The following RFX2 variants were observed in gnomAD, a reference collection of about 807,000 sequenced individuals.
RFX2 encodes DNA-binding protein RFX2.
Under a neutral mutation model 87.8 loss-of-function variants are expected in RFX2, and 20 were observed. The ratio of observed to expected loss-of-function variants is 0.23; its 90% CI spans 0.16 to 0.33. The LOEUF is 0.33. RFX2 is among the 10% of genes least tolerant of loss of function. The probability of loss-of-function intolerance (pLI) is 1.00; values close to 1 mark genes in which losing one functional copy is unlikely to be tolerated. For missense variants in RFX2, 767 were observed against 1,012.3 expected (o/e 0.76, Z 3.29); for synonymous variants, 397 against 431.3 (o/e 0.92, Z 0.98).
intron 1 of RFX2, among the ~76,000 whole-genome samples, chr19:6,085,137 G>A (rs2087839297): frequency 6.6e-6 from 1 of 152,098 alleles, no homozygotes; most frequent in African/African-American, 2.4e-5. Context: ...TTTAGCTATT[G>A]TAAATCATGC....
intron 5 of RFX2, among the ~76,000 whole-genome samples, chr19:6,033,683 C>T (rs1226861611): frequency 6.7e-6 from 1 of 148,814 alleles, no homozygotes; most frequent in Admixed American, 6.7e-5. Flanking sequence ...ACACACTTGC[C>T]AGAACCCATG....
At chr19:6,108,964 C>T (rs1459486579) in intron 1 of RFX2, among the ~76,000 whole-genome samples, 1 of 151,778 alleles carries the variant, frequency 6.6e-6, no homozygotes, top group Non-Finnish European at 1.5e-5. Flanking sequence ...AGCGCGGAGG[C>T]TTCTCGGAGG....
rs923509986 is a variant in RFX2 at position 5,999,397 on chromosome 19, G to A, written c.1860-2184C>T. Among the ~76,000 whole-genome samples the A allele has an allele frequency of 3.9e-5, 6 of 152,118 alleles. No homozygotes were observed. Among genetic ancestry groups the A allele is most frequent in the Middle Eastern group, 3.4e-3 (1 of 294 alleles). Reference sequence around the variant, plus strand: ...TGGCTGGCAGGCACCTCAGTCCTGCGCTCACTCTGCTCTTCTCAATTCTTC... The same window carrying A: ...TGGCTGGCAGGCACCTCAGTCCTGCACTCACTCTGCTCTTCTCAATTCTTC... On this transcript the variant is annotated intron_variant, in intron 15 of 17. Transcript: ENST00000303657. This position sits in a 1 kb window ranked among gnomAD's most constrained non-coding sequence, Gnocchi z 4.1.
intron 3 of RFX2, 115 bp from the exon 4 acceptor site, chr19:6,042,238 A>G: frequency 1.1e-6 from 1 of 905,030 alleles, no homozygotes; most frequent in East Asian, 2.5e-5. Flanking sequence ...ACCAAATGAC[A>G]ATGTTCCCGC....
intron 1 of RFX2, among the ~76,000 whole-genome samples, chr19:6,055,741 G>C (rs927003678): frequency 3.3e-5 from 5 of 152,112 alleles, no homozygotes; most frequent in Non-Finnish European, 7.3e-5. Flanking sequence ...TTCCTCATCA[G>C]GAGAGTGGAC....
Position 6,040,303 on chromosome 19 carries a change from C to T in RFX2, c.261-62G>A. The T allele has an allele frequency of 6.9e-7, 1 of 1,459,426 alleles. No individual in the cohort carries two copies. Among genetic ancestry groups the T allele is most frequent in the Non-Finnish European group, 9.1e-7 (1 of 1,094,846 alleles). 90.4% of individuals were successfully genotyped at this position (1,459,426 alleles called of 1,614,324 possible). A position where few individuals can be genotyped will look rare whatever the true frequency, so the allele number is the denominator to read the frequency against. On this transcript the variant is annotated intron_variant, in intron 4 of 17. Transcript: ENST00000303657. This position sits in a 1 kb window ranked among gnomAD's most constrained non-coding sequence, Gnocchi z 6.1. ...CCCATTTAAATGCCTTGTCTGAGTTCACAGATATCCAGCCAAACATCACGT... is the reference window on the plus strand; with the variant it reads ...CCCATTTAAATGCCTTGTCTGAGTTTACAGATATCCAGCCAAACATCACGT...
intron 5 of RFX2, among the ~76,000 whole-genome samples, chr19:6,036,951 G>A (rs910221708): frequency 6.6e-6 from 1 of 152,128 alleles, no homozygotes; most frequent in Admixed American, 6.5e-5. Flanking sequence ...AAGAAATAAA[G>A]CAGTTATATT....
At chr19:6,078,707 A>G (rs2087731580) in intron 1 of RFX2, among the ~76,000 whole-genome samples, 1 of 152,244 alleles carries the variant, frequency 6.6e-6, no homozygotes, top group South Asian at 2.1e-4. Flanking sequence ...ACGAAAAGAG[A>G]AATTTTCATT....
In RFX2 at chr19:6,010,262, A is replaced by AC. The variant is rs1402111647; in HGVS notation, c.900-12_900-11insG. ...TGGGCTGGCCGGTACCTAGGCCAGGAACACGCATACCATCATGAGGCCCAG... is the reference window on the plus strand; with the variant it reads ...TGGGCTGGCCGGTACCTAGGCCAGGACACACGCATACCATCATGAGGCCCAG... On this transcript the variant is annotated splice_polypyrimidine_tract_variant and intron_variant, in intron 8 of 17. Transcript: ENST00000303657. The surrounding 1 kb of genome is among the most constrained non-coding windows in gnomAD (Gnocchi z 5.0). The AC allele has an allele frequency of 9.8e-6, 15 of 1,527,546 alleles. No homozygotes were observed. The highest frequency in any genetic ancestry group is 1.3e-5 in the Non-Finnish European group (15 of 1,130,222). 94.6% of individuals were successfully genotyped at this position (1,527,546 alleles called of 1,614,324 possible). A position where few individuals can be genotyped will look rare whatever the true frequency, so the allele number is the denominator to read the frequency against.
intron 5 of RFX2, among the ~76,000 whole-genome samples, chr19:6,035,098 C>T (rs2087003585): frequency 6.6e-6 from 1 of 152,102 alleles, no homozygotes. Context: ...AGAAAAGATG[C>T]ATTAAAGTAT....
At position 6,001,274 on chromosome 19, in the gene RFX2, C is replaced by T. The variant is rs145529041; in HGVS notation, c.1859+541G>A. On this transcript the variant is annotated intron_variant, in intron 15 of 17. Coordinates refer to ENST00000303657, the MANE Select transcript of RFX2 (RefSeq NM_000635.4). This position sits in a 1 kb window ranked among gnomAD's most constrained non-coding sequence, Gnocchi z 5.6. ...TTCAGTTCTGAGATAGCTTTGTTCC[C>T]CCCTTAGAGATGGGGTCTTGCTCTG... 2.4e-4 allele frequency among the ~76,000 whole-genome samples: 37 copies of T among 152,232 alleles called. No homozygotes were observed. In the East Asian group the frequency reaches 7.0e-3, roughly 29 times the overall value.
intron 1 of RFX2, among the ~76,000 whole-genome samples, chr19:6,108,381 G>A (rs970565269): frequency 1.3e-5 from 2 of 152,178 alleles, no homozygotes; most frequent in South Asian, 2.1e-4. Context: ...CCAGAAGGAC[G>A]GGAGGTAAGG....
chr19:6,090,489 T>C (rs915849104), intron 1 of RFX2, among the ~76,000 whole-genome samples: 2 of 151,534 alleles, frequency 1.3e-5, no homozygotes, highest in African/African-American at 4.9e-5. Context: ...AGAACCACCA[T>C]GAAACACCAC....
At position 6,016,877 on chromosome 19, in the gene RFX2, C is replaced by CA. The variant is rs2086733032; in HGVS notation, c.598-607dup. On this transcript the variant is annotated intron_variant, in intron 6 of 17. Transcript: ENST00000303657. The surrounding 1 kb of genome is among the most constrained non-coding windows in gnomAD (Gnocchi z 5.4). Reference sequence around the variant, plus strand: ...TTCAGTCCCTTAAATGAAATACCCACACACCACACAGGCTTTAACACCAAA... The same window carrying CA: ...TTCAGTCCCTTAAATGAAATACCCACAACACCACACAGGCTTTAACACCAAA... Among the ~76,000 whole-genome samples, 1 of 152,158 alleles carries CA rather than the reference C, an allele frequency of 6.6e-6. No homozygotes were observed. The highest frequency in any genetic ancestry group is 2.4e-5 in the African/African-American group (1 of 41,438).
At position 6,004,472 on chromosome 19, in the gene RFX2, C is replaced by T. The variant is rs1230533378; in HGVS notation, c.1403-174G>A. ...TAGAAACGGGAAGAACCAGGCATGG[C>T]CCAGCGCTGCTGGTCACCACCCACT... On this transcript the variant is annotated intron_variant, in intron 12 of 17. Transcript: ENST00000303657. The surrounding 1 kb of genome is among the most constrained non-coding windows in gnomAD (Gnocchi z 4.8). 6.6e-6 allele frequency among the ~76,000 whole-genome samples: 1 copy of T among 152,234 alleles called. No homozygotes were observed. Among genetic ancestry groups the T allele is most frequent in the Non-Finnish European group, 1.5e-5 (1 of 68,034 alleles).
chr19:6,086,895 A>G (rs1287439817), intron 1 of RFX2, among the ~76,000 whole-genome samples: 1 of 152,184 alleles, frequency 6.6e-6, no homozygotes, highest in Non-Finnish European at 1.5e-5. Flanking sequence ...TTGCCCTTCC[A>G]TGCCTGTTCT....
At chr19:6,097,652 G>A (rs1263011584) in intron 1 of RFX2, among the ~76,000 whole-genome samples, 4 of 152,108 alleles carry the variant, frequency 2.6e-5, no homozygotes, top group Non-Finnish European at 4.4e-5. Context: ...GTGCAGTGGT[G>A]CAAACACGGC....
rs1174537101 is a variant in RFX2 at position 6,063,695 on chromosome 19, T to C, written c.-8-16191A>G. ...TCTCTCCAGTCAGCTTGTCATGTCA[T>C]ACAGGCTTTCCTGACCTCAGCAATG... On this transcript the variant is annotated intron_variant, in intron 1 of 17. Coordinates refer to ENST00000303657, the MANE Select transcript of RFX2 (RefSeq NM_000635.4). This position sits in a 1 kb window ranked among gnomAD's most constrained non-coding sequence, Gnocchi z 4.0. Among the ~76,000 whole-genome samples, 1 of 152,186 alleles carries C rather than the reference T, an allele frequency of 6.6e-6. No homozygotes were observed. The highest frequency in any genetic ancestry group is 2.4e-5 in the African/African-American group (1 of 41,444).
chr19:6,094,939 T>C (rs1306848973), intron 1 of RFX2, among the ~76,000 whole-genome samples: 1 of 152,010 alleles, frequency 6.6e-6, no homozygotes, highest in Non-Finnish European at 1.5e-5. Flanking sequence ...CCATCCTGGC[T>C]AACATGGTGA....
Sources: gnomAD v4.1 joint callset for allele counts (sites outside exome capture counted in the v4.1 genomes callset) on GRCh38, gnomAD v4.1.1 for gene constraint, Gnocchi (gnomAD v3.1) non-coding constraint, MANE v1.5 for transcripts, NCBI Gene and HGNC (gene_info 2026-07-23, HGNC 2026-07-21) for gene names.